The following FAT4 variants were observed in gnomAD, a reference collection of about 807,000 sequenced individuals.
FAT4 encodes the protein FAT atypical cadherin 4, also known as protocadherin Fat 4.
Under a neutral mutation model 303.9 loss-of-function variants are expected in FAT4, and 84 were observed. The observed-to-expected ratio is 0.28, with a 90% CI of 0.23 to 0.33. FAT4 has a LOEUF of 0.33. Among genes scored for constraint, FAT4 ranks in the 10% least tolerant of loss-of-function variants. The probability of loss-of-function intolerance (pLI) is 1.00; values close to 1 mark genes in which losing one functional copy is unlikely to be tolerated. For synonymous variants in FAT4, 2,307 were observed against 2,298.8 expected (o/e 1.00, Z -0.10); for missense variants, 6,005 against 6,146.8 (o/e 0.98, Z 0.77).
intron 10 of FAT4, among the ~76,000 whole-genome samples, chr4:125,458,186 G>T (rs1204042815): frequency 6.6e-6 from 1 of 151,996 alleles, no homozygotes; most frequent in Non-Finnish European, 1.5e-5. Flanking sequence ...ATTACCTTAT[G>T]GAGAAGTTTT....
chr4:125,361,405 T>A (rs566791114), intron 2 of FAT4, among the ~76,000 whole-genome samples: 1 of 152,086 alleles, frequency 6.6e-6, no homozygotes, highest in Non-Finnish European at 1.5e-5. Flanking sequence ...TGACAGTCAA[T>A]GGTTAGTGAT....
intron 2 of FAT4, among the ~76,000 whole-genome samples, chr4:125,384,462 G>A (rs1010717653): frequency 6.6e-6 from 1 of 151,824 alleles, no homozygotes; most frequent in Non-Finnish European, 1.5e-5. Context: ...CATTTTCTTT[G>A]GAGGATTGTA....
intron 10 of FAT4, among the ~76,000 whole-genome samples, chr4:125,454,424 A>G (rs931779556): frequency 6.6e-6 from 1 of 152,364 alleles, no homozygotes. Flanking sequence ...TGATTTAGCT[A>G]TAGCTTTTGG....
chr4:125,335,445 A>T (rs1731534618), intron 2 of FAT4, among the ~76,000 whole-genome samples: 2 of 151,954 alleles, frequency 1.3e-5, no homozygotes, highest in African/African-American at 4.8e-5. Flanking sequence ...TAAATATATC[A>T]CATTATCCAT....
At position 125,326,267 on chromosome 4, in the gene FAT4, G is replaced by T. The variant is rs114349157; in HGVS notation, c.5175+4681G>T. Among the ~76,000 whole-genome samples, 114 of 151,956 alleles carry T rather than the reference G, an allele frequency of 7.5e-4. 2 individuals are homozygous for T. Among genetic ancestry groups the T allele is most frequent in the African/African-American group, 2.7e-3 (113 of 41,464 alleles). Reference sequence around the variant, plus strand: ...AGGTCAGTTTTGGATACAAACGTTAGAAATGATTTTCTTTCACAGGGTTTT... The same window carrying T: ...AGGTCAGTTTTGGATACAAACGTTATAAATGATTTTCTTTCACAGGGTTTT... On this transcript the variant is annotated intron_variant, in intron 2 of 17. Transcript: ENST00000394329.
At chr4:125,484,617 A>G (rs905780580) in intron 16 of FAT4, among the ~76,000 whole-genome samples, 2 of 152,114 alleles carry the variant, frequency 1.3e-5, no homozygotes, top group African/African-American at 4.8e-5. Context: ...TTGTTAGGTG[A>G]TTTCATTCTT....
rs143908808 is a variant in FAT4 at position 125,449,280 on chromosome 4, C to T, written c.8270C>T (p.Thr2757Ile). ...SSDKGSPSQS[T>I]SVKVMINILD... The stretch of plus-strand genomic sequence containing the variant: ...GACAAAGGGTCCCCGTCTCAGAGTA[C>T]TTCAGTAAAAGTCATGATTAACATT... The change falls in exon 10 of 18, where the codon ACT becomes ATT. Residue 2757 changes from threonine (T) to isoleucine (I), a missense_variant. Transcript: ENST00000394329. 2.5e-6 allele frequency: 4 copies of T among 1,613,790 alleles called. No homozygotes were observed. Among genetic ancestry groups the T allele is most frequent in the Non-Finnish European group, 2.5e-6 (3 of 1,179,920 alleles).
At chr4:125,476,074 A>G in intron 12 of FAT4, 97 bp from the exon 13 acceptor site, 2 of 578,114 alleles carry the variant, frequency 3.5e-6, no homozygotes, top group Non-Finnish European at 6.2e-6. Context: ...TTTCTAAGTC[A>G]TGTTCACATA....
intron 2 of FAT4, among the ~76,000 whole-genome samples, chr4:125,371,126 C>T (rs1578568805): frequency 9.3e-6 from 1 of 107,582 alleles, no homozygotes; most frequent in African/African-American, 3.6e-5. Flanking sequence ...TCAGCCTGGG[C>T]AATGAGAGCT....
rs1560618511 is a variant in FAT4 at position 125,452,721 on chromosome 4, A to T, written c.11711A>T (p.Asn3904Ile). ...GGTAGGGCGTGTGAGAGAGATATCA[A>T]TGAGTGCCTGCAGAGTCCTTGCAAG... ...FTGRACERDI[N>I]ECLQSPCKNG... is the part of the protein sequence containing the mutation. The change falls in exon 10 of 18, where the codon AAT becomes ATT. Residue 3904 changes from asparagine (N) to isoleucine (I), a missense_variant. Transcript: ENST00000394329. The T allele has an allele frequency of 6.2e-7, 1 of 1,614,142 alleles. No individual in the cohort carries two copies. The highest frequency in any genetic ancestry group is 8.5e-7 in the Non-Finnish European group (1 of 1,180,010).
chr4:125,458,322 G>A (rs1726359041), intron 10 of FAT4, among the ~76,000 whole-genome samples: 1 of 151,876 alleles, frequency 6.6e-6, no homozygotes, highest in Non-Finnish European at 1.5e-5. Flanking sequence ...TACAGAATAT[G>A]CATAGTAATT....
In FAT4 at chr4:125,317,597, G is replaced by C. The variant is rs763440848; in HGVS notation, c.1186G>C (p.Val396Leu). ...TCCCGCGGCCAACGGGAACATCTCC[G>C]TGCAAATTCTCGGGGGCAATGAGCA... ...DSPAANGNIS[V>L]QILGGNEQRH... The change falls in exon 2 of 18, where the codon GTG becomes CTG. Residue 396 changes from valine (V) to leucine (L), a missense_variant. Coordinates refer to ENST00000394329, the MANE Select transcript of FAT4 (RefSeq NM_001291303.3). The surrounding 1 kb of genome is among the most constrained non-coding windows in gnomAD (Gnocchi z 7.0). 1 of 1,613,912 alleles carries C rather than the reference G, an allele frequency of 6.2e-7. No individual in the cohort carries two copies. The highest frequency in any genetic ancestry group is 8.5e-7 in the Non-Finnish European group (1 of 1,179,940).
intron 12 of FAT4, among the ~76,000 whole-genome samples, chr4:125,475,623 A>G (rs1372537813): frequency 6.6e-6 from 1 of 152,136 alleles, no homozygotes; most frequent in Non-Finnish European, 1.5e-5. Flanking sequence ...AAATGAGAGG[A>G]GCACTTACTT....
intron 8 of FAT4, among the ~76,000 whole-genome samples, chr4:125,440,987 C>T (rs901442020): frequency 1.3e-5 from 2 of 152,054 alleles, no homozygotes; most frequent in African/African-American, 2.4e-5. Context: ...TCAGTGCATC[C>T]CTTCTGCCAA....
chr4:125,386,828 T>G (rs1273962395), intron 2 of FAT4, among the ~76,000 whole-genome samples: 1 of 152,142 alleles, frequency 6.6e-6, no homozygotes, highest in Non-Finnish European at 1.5e-5. Flanking sequence ...TTAAAAGATA[T>G]AAGGACATAT....
At chr4:125,403,440 G>A (rs1734465717) in intron 3 of FAT4, among the ~76,000 whole-genome samples, 1 of 151,888 alleles carries the variant, frequency 6.6e-6, no homozygotes, top group African/African-American at 2.4e-5. Context: ...TTCTTCTGCC[G>A]ATCCTTGCTT....
At chr4:125,414,035 G>A (rs373838680) in intron 5 of FAT4, among the ~76,000 whole-genome samples, 3 of 151,888 alleles carry the variant, frequency 2.0e-5, no homozygotes, top group Non-Finnish European at 1.5e-5. Flanking sequence ...AATGCACATC[G>A]TTACAGGCCA....
chr4:125,480,363 A>G (rs917713740), intron 15 of FAT4, among the ~76,000 whole-genome samples: 1 of 152,122 alleles, frequency 6.6e-6, no homozygotes, highest in African/African-American at 2.4e-5. Flanking sequence ...AATTTTGAAT[A>G]TTACTTTTTA....
chr4:125,390,019 G>A (rs532124262), intron 2 of FAT4, among the ~76,000 whole-genome samples: 9 of 152,236 alleles, frequency 5.9e-5, no homozygotes, highest in Admixed American at 4.6e-4. Flanking sequence ...ACTTATGGCA[G>A]TAGAATTCCC....
Sources: allele counts gnomAD v4.1 joint callset (sites outside exome capture counted in the v4.1 genomes callset), GRCh38; gene constraint gnomAD v4.1.1; non-coding constraint Gnocchi (gnomAD v3.1); transcripts MANE v1.5; gene names NCBI Gene and HGNC (gene_info 2026-07-23, HGNC 2026-07-21).